The following GABRA3 variants were observed in gnomAD, a reference collection of about 807,000 sequenced individuals.
The protein encoded by GABRA3 is gamma-aminobutyric acid type A receptor subunit alpha3.
GABRA3 carries 10 observed loss-of-function variants against 30.1 expected under a neutral mutation model. The observed-to-expected ratio is 0.33, with a 90% CI of 0.20 to 0.56. The LOEUF is 0.56. Among genes scored for constraint, GABRA3 ranks in the 20% least tolerant of loss-of-function variants. GABRA3 has a pLI of 0.89. For synonymous variants in GABRA3, 151 were observed against 146.8 expected (o/e 1.03, Z -0.21); for missense variants, 233 against 392.0 (o/e 0.59, Z 3.42).
At position 152,166,272 on chromosome X, in the gene GABRA3, T is replaced by C. The variant is rs181314381; in HGVS notation, c.*1956A>G. 4 of 111,446 alleles carry C rather than the reference T, an allele frequency of 3.6e-5. No homozygotes were observed. The highest frequency in any genetic ancestry group is 9.6e-5 in the Admixed American group (1 of 10,462). 9.2% of individuals were successfully genotyped at this position (111,446 alleles called of 1,213,427 possible). A position where few individuals can be genotyped will look rare whatever the true frequency, so the allele number is the denominator to read the frequency against. ...GGGTTTAATAAACAGCAGCTAAACATTGCACCAAAGCATTTGGAAACACAA... is the reference window on the plus strand; with the variant it reads ...GGGTTTAATAAACAGCAGCTAAACACTGCACCAAAGCATTTGGAAACACAA... On this transcript the variant is annotated 3_prime_UTR_variant, in exon 10 of 10. Transcript: ENST00000370314.
chrX:152,371,887 C>T (rs898389333), intron 1 of GABRA3, among the ~76,000 whole-genome samples: 2 of 111,543 alleles, frequency 1.8e-5, no homozygotes, highest in African/African-American at 6.5e-5. Flanking sequence ...AACAAGAACA[C>T]GGGACCAAGG....
rs749690868 is a variant in GABRA3, at chrX:152,361,467, G to A, written c.140+2964C>T. Among the ~76,000 whole-genome samples, 5 of 108,041 alleles carry A rather than the reference G, an allele frequency of 4.6e-5. No homozygotes were observed. In the East Asian group the frequency reaches 1.2e-3, roughly 25 times the overall value. 93.8% of individuals were successfully genotyped at this position (108,041 alleles called of 115,157 possible). A position where few individuals can be genotyped will look rare whatever the true frequency, so the allele number is the denominator to read the frequency against. On this transcript the variant is annotated intron_variant, in intron 2 of 9. Coordinates refer to ENST00000370314, the MANE Select transcript of GABRA3 (RefSeq NM_000808.4). ...ATGTGCCTGTAATCCCAGCTACTCC[G>A]GAGGCTGAGGCAGGAGAATGGCTTG...
In GABRA3 at chrX:152,222,608, T is replaced by C. The variant is rs191320695; in HGVS notation, c.634+2155A>G. ...TTTTAGGTCTCATGGGCCTGCCTATTCATATGATTATTGATTTTTCATTGA... is the reference window on the plus strand; with the variant it reads ...TTTTAGGTCTCATGGGCCTGCCTATCCATATGATTATTGATTTTTCATTGA... On this transcript the variant is annotated intron_variant, in intron 6 of 9. Coordinates refer to ENST00000370314, the MANE Select transcript of GABRA3 (RefSeq NM_000808.4). Among the ~76,000 whole-genome samples, 697 of 110,324 alleles carry C rather than the reference T, an allele frequency of 6.3e-3. 3 individuals carry two copies. Among genetic ancestry groups the C allele is most frequent in the Non-Finnish European group, 9.5e-3 (501 of 52,765 alleles).
intron 3 of GABRA3, among the ~76,000 whole-genome samples, chrX:152,300,520 C>A (rs1184846896): frequency 8.9e-6 from 1 of 112,013 alleles, no homozygotes; most frequent in Non-Finnish European, 1.9e-5. Context: ...GAAAATGTCA[C>A]CAATTCTCAA....
intron 6 of GABRA3, among the ~76,000 whole-genome samples, chrX:152,210,339 A>G (rs72614779): frequency 2.7e-5 from 3 of 111,149 alleles, no homozygotes; most frequent in African/African-American, 9.9e-5. Flanking sequence ...TTAATTTTTT[A>G]AAAAAATTGA....
intron 3 of GABRA3, among the ~76,000 whole-genome samples, chrX:152,326,515 A>T (rs896296027): frequency 1.8e-5 from 2 of 110,870 alleles, no homozygotes; most frequent in African/African-American, 6.6e-5. Context: ...CTCAGCAAAA[A>T]CTCTACGAGC....
At chrX:152,271,764 C>A (rs754114040) in intron 4 of GABRA3, among the ~76,000 whole-genome samples, 1 of 111,732 alleles carries the variant, frequency 8.9e-6, no homozygotes, top group East Asian at 2.9e-4. Flanking sequence ...GTCCAGGGCC[C>A]CTCTGCTGTA....
At chrX:152,215,015 C>A (rs762284270) in intron 6 of GABRA3, among the ~76,000 whole-genome samples, 1 of 104,526 alleles carries the variant, frequency 9.6e-6, no homozygotes, top group South Asian at 4.4e-4. Context: ...TATATACACA[C>A]ACATATATGT....
intron 3 of GABRA3, among the ~76,000 whole-genome samples, chrX:152,298,772 T>C (rs1006939175): frequency 8.9e-6 from 1 of 111,769 alleles, no homozygotes; most frequent in African/African-American, 3.3e-5. Flanking sequence ...ATGGTATTTC[T>C]AGTTCTAGAT....
intron 3 of GABRA3, among the ~76,000 whole-genome samples, chrX:152,296,313 T>C (rs1227805153): frequency 1.8e-5 from 2 of 112,117 alleles, no homozygotes; most frequent in East Asian, 5.6e-4. Context: ...CTCTTGCACA[T>C]CTAAGATCTA....
rs34564933 is a variant in GABRA3, at chrX:152,306,640, C to T, written c.263-21905G>A. Among the ~76,000 whole-genome samples the T allele has an allele frequency of 7.9e-3, 883 of 111,460 alleles. 11 individuals carry two copies. Among genetic ancestry groups the T allele is most frequent in the African/African-American group, 0.028 (848 of 30,677 alleles). ...AATCAGACATCTTTACTTTGCAACG[C>T]AAAATGAGAAGTTTTACCTCCCATG... On this transcript the variant is annotated intron_variant, in intron 3 of 9. Transcript: ENST00000370314.
At chrX:152,296,858 CCTGA>C (rs1400372921) in intron 3 of GABRA3, among the ~76,000 whole-genome samples, 1 of 110,035 alleles carries the variant, frequency 9.1e-6, no homozygotes, top group African/African-American at 3.3e-5. Context: ...CACCACCACA[CCTGA>C]CTATTTTTGT....
chrX:152,251,342 C>T (rs1233248047), intron 5 of GABRA3, among the ~76,000 whole-genome samples: 1 of 110,778 alleles, frequency 9.0e-6, no homozygotes, highest in Non-Finnish European at 1.9e-5. Flanking sequence ...CATCCTCTGC[C>T]CTCCTCAACC....
At chrX:152,395,672 G>A (rs762497659) in intron 1 of GABRA3, among the ~76,000 whole-genome samples, 1 of 111,884 alleles carries the variant, frequency 8.9e-6, no homozygotes, top group Non-Finnish European at 1.9e-5. Flanking sequence ...TGATAATAGA[G>A]AAGACTATAT....
intron 4 of GABRA3, among the ~76,000 whole-genome samples, chrX:152,279,988 T>C: frequency 9.0e-6 from 1 of 111,693 alleles, no homozygotes; most frequent in Non-Finnish European, 1.9e-5. Flanking sequence ...CTGAAGTTGC[T>C]TATCAGCTTA....
chrX:152,300,316 T>C (rs759670085), intron 3 of GABRA3, among the ~76,000 whole-genome samples: 5 of 111,442 alleles, frequency 4.5e-5, no homozygotes, highest in African/African-American at 1.6e-4. Context: ...AGTAAAGTCT[T>C]TGAAAACTGA....
chrX:152,275,224 A>T (rs1939035885), intron 4 of GABRA3, among the ~76,000 whole-genome samples: 1 of 69,332 alleles, frequency 1.4e-5, no homozygotes, highest in African/African-American at 6.4e-5. Flanking sequence ...TTATATATAT[A>T]TAATTTATAT....
At chrX:152,395,442 T>A (rs1191593362) in intron 1 of GABRA3, among the ~76,000 whole-genome samples, 1 of 111,480 alleles carries the variant, frequency 9.0e-6, no homozygotes, top group African/African-American at 3.3e-5. Flanking sequence ...TCAATTAGTA[T>A]ACACATAAAA....
intron 1 of GABRA3, among the ~76,000 whole-genome samples, chrX:152,369,687 C>T (rs1182187396): frequency 9.0e-6 from 1 of 111,525 alleles, no homozygotes; most frequent in Non-Finnish European, 1.9e-5. Flanking sequence ...CCACACATTC[C>T]TCATACATCC....
Sources: gnomAD v4.1 joint callset for allele counts (sites outside exome capture counted in the v4.1 genomes callset) on GRCh38, gnomAD v4.1.1 for gene constraint, MANE v1.5 for transcripts, NCBI Gene and HGNC (gene_info 2026-07-23, HGNC 2026-07-21) for gene names.